The following IFT74 variants were observed in gnomAD, a reference collection of about 807,000 sequenced individuals.
IFT74 encodes the protein intraflagellar transport 74.
IFT74 carries 92 observed loss-of-function variants against 96.7 expected under a neutral mutation model. The ratio of observed to expected loss-of-function variants is 0.95; its 90% CI spans 0.80 to 1.13. The LOEUF is 1.13. Ranked by LOEUF, IFT74 falls within the 50% of genes most tolerant of loss-of-function variation. The pLI, the probability that IFT74 is intolerant of heterozygous loss-of-function variation, is 0.00. For synonymous variants in IFT74, 223 were observed against 213.2 expected, an observed-to-expected ratio of 1.05 and a Z score of -0.40; for missense variants, 811 against 698.2, an observed-to-expected ratio of 1.16 and a Z score of -1.82.
intron 1 of IFT74, among the ~76,000 whole-genome samples, chr9:26,961,101 T>TG (rs59041032): frequency 1.3e-4 from 19 of 149,088 alleles, no homozygotes; most frequent in African/African-American, 3.2e-4. Flanking sequence ...TTTTTTTTTT[T>TG]GGGTGGGGGG....
chr9:27,052,938 C>G (rs942987984), intron 16 of IFT74, among the ~76,000 whole-genome samples: 1 of 152,078 alleles, frequency 6.6e-6, no homozygotes, highest in Non-Finnish European at 1.5e-5. Context: ...TTTTGGCTCA[C>G]TGCAGGCTCC....
intron 3 of IFT74, among the ~76,000 whole-genome samples, chr9:26,978,771 T>A (rs1047002519): frequency 2.6e-5 from 4 of 152,146 alleles, no homozygotes; most frequent in Admixed American, 6.5e-5. Context: ...TTTCTGATAA[T>A]TAGCATCTGT....
chr9:27,039,409 A>G (rs1330388859), intron 13 of IFT74, among the ~76,000 whole-genome samples: 1 of 152,152 alleles, frequency 6.6e-6, no homozygotes, highest in Non-Finnish European at 1.5e-5. Flanking sequence ...TGTTGATAGA[A>G]AATGTGGCTG....
chr9:27,062,427 G>C (rs12351713), intron 19 of IFT74, among the ~76,000 whole-genome samples, 191 bp from the exon 20 acceptor site: 1 of 151,948 alleles, frequency 6.6e-6, no homozygotes, highest in Non-Finnish European at 1.5e-5. Flanking sequence ...AATTTTTTGC[G>C]GTAAGTTTAG....
At chr9:26,990,636 G>A (rs988049969) in intron 8 of IFT74, among the ~76,000 whole-genome samples, 5 of 152,154 alleles carry the variant, frequency 3.3e-5, no homozygotes, top group African/African-American at 1.2e-4. Flanking sequence ...TATATAGATT[G>A]TATGTGTGTC....
intron 1 of IFT74, among the ~76,000 whole-genome samples, chr9:26,948,054 T>A (rs1293003030): frequency 6.6e-6 from 1 of 152,218 alleles, no homozygotes; most frequent in African/African-American, 2.4e-5. Flanking sequence ...CTTTCTAAAT[T>A]GCTAAGCCCA....
chr9:27,024,471 C>T (rs758382414), intron 12 of IFT74, among the ~76,000 whole-genome samples: 7 of 152,194 alleles, frequency 4.6e-5, no homozygotes, highest in Non-Finnish European at 8.8e-5. Context: ...AGGGAGAGAG[C>T]ACCACATCAA....
In IFT74 at chr9:27,008,560, G is replaced by A. The variant is rs148209025; in HGVS notation, c.588-460G>A. On this transcript the variant is annotated intron_variant, in intron 8 of 19. Transcript: ENST00000380062. ...TTTTAGTAGAGATGGGTGTTTTGTC[G>A]TGTTGCCCAGGCTGGTCTCGACCTC... Among the ~76,000 whole-genome samples the A allele has an allele frequency of 6.2e-4, 94 of 151,978 alleles. 1 individual carries two copies. In the South Asian group the frequency reaches 0.011, roughly 17 times the overall value.
intron 6 of IFT74, among the ~76,000 whole-genome samples, chr9:26,986,328 T>G (rs940847012): frequency 1.3e-5 from 2 of 152,052 alleles, no homozygotes; most frequent in South Asian, 4.1e-4. Context: ...TTGTTGTTTT[T>G]TTTTTTCAAG....
At chr9:27,006,036 G>T (rs1828758375) in intron 8 of IFT74, among the ~76,000 whole-genome samples, 2 of 151,932 alleles carry the variant, frequency 1.3e-5, no homozygotes, top group East Asian at 1.9e-4. Flanking sequence ...TAGAGATGCG[G>T]TTTCACCATG....
At chr9:27,032,692 C>T (rs1192634514) in intron 13 of IFT74, among the ~76,000 whole-genome samples, 1 of 151,740 alleles carries the variant, frequency 6.6e-6, no homozygotes, top group Non-Finnish European at 1.5e-5. Flanking sequence ...ATGGTGAAAC[C>T]CCATCTCTAT....
chr9:26,975,433 G>A (rs1827074560), intron 2 of IFT74, among the ~76,000 whole-genome samples: 1 of 152,182 alleles, frequency 6.6e-6, no homozygotes, highest in Non-Finnish European at 1.5e-5. Flanking sequence ...AAAACTGAGG[G>A]TTTGAGGATG....
chr9:26,988,585 A>G, intron 6 of IFT74, 84 bp from the exon 7 acceptor site: 2 of 1,230,112 alleles, frequency 1.6e-6, no homozygotes, highest in Non-Finnish European at 2.2e-6. Flanking sequence ...TATTTGTAAG[A>G]CTGAATACCT....
At chr9:26,948,448 A>ATTTTTTTTTTTTTTTTTTTTTTTT (rs71841244) in intron 1 of IFT74, among the ~76,000 whole-genome samples, 4 of 59,158 alleles carry the variant, frequency 6.8e-5, no homozygotes, top group Non-Finnish European at 1.2e-4. Context: ...GCTTTCCATT[A>ATTTTTTTTTTTTTTTTTTTTTTTT]TTTTTTTTTT....
chr9:27,015,419 C>T (rs1480344130), intron 10 of IFT74, among the ~76,000 whole-genome samples: 3 of 152,038 alleles, frequency 2.0e-5, no homozygotes, highest in African/African-American at 4.8e-5. Context: ...GGGCGGATCA[C>T]GAGGTCAGGA....
intron 2 of IFT74, among the ~76,000 whole-genome samples, chr9:26,964,948 A>T (rs951684866): frequency 3.3e-5 from 5 of 152,174 alleles, no homozygotes; most frequent in Non-Finnish European, 7.4e-5. Context: ...GAAGTTTATG[A>T]GTTGATATTC....
intron 12 of IFT74, 103 bp from the exon 13 acceptor site, chr9:27,028,922 A>G: frequency 1.0e-6 from 1 of 975,144 alleles, no homozygotes; most frequent in Non-Finnish European, 1.5e-6. Context: ...TTATTTTTAG[A>G]TATTGTTTAT....
chr9:27,053,569 T>C (rs1388088382), intron 16 of IFT74, among the ~76,000 whole-genome samples: 1 of 152,210 alleles, frequency 6.6e-6, no homozygotes, highest in African/African-American at 2.4e-5. Context: ...TGGTAAACTT[T>C]GCAACTTCAC....
intron 1 of IFT74, among the ~76,000 whole-genome samples, chr9:26,949,649 C>T (rs1825871421): frequency 6.6e-6 from 1 of 152,108 alleles, no homozygotes; most frequent in South Asian, 2.1e-4. Flanking sequence ...GATGAATAAT[C>T]ACAGGGCCAG....
Sources: gnomAD v4.1 joint callset for allele counts (sites outside exome capture counted in the v4.1 genomes callset) on GRCh38, gnomAD v4.1.1 for gene constraint, MANE v1.5 for transcripts, NCBI Gene and HGNC (gene_info 2026-07-23, HGNC 2026-07-21) for gene names.